ZNF431: variants seen among roughly 807,000 people sequenced by gnomAD.
The protein encoded by ZNF431 is zinc finger protein 431.
A neutral mutation model predicts 57.0 loss-of-function variants in ZNF431; 34 were observed. The observed-to-expected ratio is 0.60, with a 90% CI of 0.45 to 0.79. ZNF431 has a LOEUF of 0.79. Ranked by LOEUF, ZNF431 falls within the 30% of genes least tolerant of loss-of-function variation. The pLI is 0.00. For missense variants in ZNF431, 607 were observed against 667.1 expected (o/e 0.91, Z 0.99); for synonymous variants, 207 against 220.3 (o/e 0.94, Z 0.54).
At chr19:21,173,275 G>A (rs1451840695) in intron 4 of ZNF431, among the ~76,000 whole-genome samples, 2 of 152,040 alleles carry the variant, frequency 1.3e-5, no homozygotes, top group African/African-American at 4.8e-5. Flanking sequence ...TCTAGGTCCT[G>A]TGTTGGATAG....
intron 4 of ZNF431, among the ~76,000 whole-genome samples, chr19:21,176,382 A>G (rs745675668): frequency 6.6e-6 from 1 of 151,862 alleles, no homozygotes; most frequent in Non-Finnish European, 1.5e-5. Flanking sequence ...CTGGCATTAC[A>G]GGCATGTGCC....
chr19:21,150,991 C>T (rs1002531451), intron 2 of ZNF431: 1 of 152,158 alleles, frequency 6.6e-6, no homozygotes, highest in Admixed American at 6.5e-5. Context: ...CCCAAGGTGT[C>T]CCAGGCTGTT....
Position 21,194,715 on chromosome 19 carries a change from G to C in ZNF431, c.*10681G>C, listed in dbSNP as rs1971573800. On this transcript the variant is annotated 3_prime_UTR_variant, in exon 5 of 5. Transcript: ENST00000311048. ...AACTCCCGGCGTCCCAAAGTGCTGG[G>C]ATTACAGGTGCGACCCACCATGCCT... 1 of 152,124 alleles carries C rather than the reference G, an allele frequency of 6.6e-6. No homozygotes were observed. Among genetic ancestry groups the C allele is most frequent in the Non-Finnish European group, 1.5e-5 (1 of 68,038 alleles). 9.4% of individuals were successfully genotyped at this position (152,124 alleles called of 1,614,324 possible). A position where few individuals can be genotyped will look rare whatever the true frequency, so the allele number is the denominator to read the frequency against.
At chr19:21,181,511 CTCT>C (rs891723828) in intron 4 of ZNF431, among the ~76,000 whole-genome samples, 2 of 151,968 alleles carry the variant, frequency 1.3e-5, no homozygotes, top group South Asian at 4.1e-4. Context: ...CAGCTCCATT[CTCT>C]TCTTGTCTGT....
chr19:21,185,327 A>G lies in ZNF431; in HGVS notation c.*1293A>G, dbSNP rs1192529284. The G allele has an allele frequency of 6.6e-6, 1 of 152,134 alleles. No homozygotes were observed. The highest frequency in any genetic ancestry group is 1.5e-5 in the Non-Finnish European group (1 of 68,022). The allele number at this position is 152,134 out of a possible 1,614,324, so 9.4% of individuals were successfully genotyped here. Reference sequence around the variant, plus strand: ...CTTTATTTCTTGAAAAATATTACAGATTTTTTGAAAATTGAATAATGTCAT... The same window carrying G: ...CTTTATTTCTTGAAAAATATTACAGGTTTTTTGAAAATTGAATAATGTCAT... On this transcript the variant is annotated 3_prime_UTR_variant, in exon 5 of 5. Transcript: ENST00000311048.
chr19:21,157,819 C>T (rs6511204), intron 2 of ZNF431, among the ~76,000 whole-genome samples: 112,214 of 151,306 alleles, frequency 0.74, 42,610 homozygotes, highest in Middle Eastern at 0.86. Context: ...TGAGCCACCG[C>T]ACCCGGCCAT....
intron 1 of ZNF431, among the ~76,000 whole-genome samples, chr19:21,142,885 G>T (rs151107191): frequency 1.3e-5 from 2 of 152,268 alleles, no homozygotes; most frequent in African/African-American, 4.8e-5. Context: ...ACTGAAAAAT[G>T]TACGTCAGTT....
Position 21,188,575 on chromosome 19 carries a change from CT to C in ZNF431, c.*4545del, listed in dbSNP as rs1027160696. 3.3e-5 allele frequency: 5 copies of C among 151,968 alleles called. No individual in the cohort carries two copies. Among genetic ancestry groups the C allele is most frequent in the African/African-American group, 9.7e-5 (4 of 41,364 alleles). 9.4% of individuals were successfully genotyped at this position (151,968 alleles called of 1,614,324 possible). ...GATTTAAAATTTTGAAAAATAATGT[CT>C]TTTCTATATTGATTTTACAATTTGG... is the stretch of plus-strand genomic sequence containing the variant. On this transcript the variant is annotated 3_prime_UTR_variant, in exon 5 of 5. Transcript: ENST00000311048.
chr19:21,164,236 T>G (rs1487425426), intron 2 of ZNF431, among the ~76,000 whole-genome samples: 1 of 152,040 alleles, frequency 6.6e-6, no homozygotes, highest in Non-Finnish European at 1.5e-5. Flanking sequence ...CAAAATACAT[T>G]CATGAGAGTG....
chr19:21,161,920 T>C (rs996826120), intron 2 of ZNF431, among the ~76,000 whole-genome samples: 3 of 152,016 alleles, frequency 2.0e-5, no homozygotes, highest in African/African-American at 7.2e-5. Flanking sequence ...TCCCAAAGTG[T>C]TGGGATTACA....
chr19:21,176,794 T>C (rs1410994460), intron 4 of ZNF431, among the ~76,000 whole-genome samples: 1 of 151,942 alleles, frequency 6.6e-6, no homozygotes, highest in East Asian at 1.9e-4. Context: ...ACTTCCCGGG[T>C]TCAAGCAATT....
Position 21,191,518 on chromosome 19 carries a change from G to C in ZNF431, c.*7484G>C, listed in dbSNP as rs960406525. On this transcript the variant is annotated 3_prime_UTR_variant, in exon 5 of 5. Transcript: ENST00000311048. ...GCTTTTGCTCTATATTTTGGCAGTAGTAGTTTCAGAGTGTCAGGCCTTACA... is the reference window on the plus strand; with the variant it reads ...GCTTTTGCTCTATATTTTGGCAGTACTAGTTTCAGAGTGTCAGGCCTTACA... 5 of 151,956 alleles carry C rather than the reference G, an allele frequency of 3.3e-5. No homozygotes were observed. Among genetic ancestry groups the C allele is most frequent in the African/African-American group, 1.2e-4 (5 of 41,392 alleles). 9.4% of individuals were successfully genotyped at this position (151,956 alleles called of 1,614,324 possible).
rs1304618960 is a variant in ZNF431 at position 21,186,846 on chromosome 19, C to T, written c.*2812C>T. The T allele has an allele frequency of 6.6e-6, 1 of 152,172 alleles. No homozygotes were observed. The highest frequency in any genetic ancestry group is 1.5e-5 in the Non-Finnish European group (1 of 68,026). 9.4% of individuals were successfully genotyped at this position (152,172 alleles called of 1,614,324 possible). A position where few individuals can be genotyped will look rare whatever the true frequency, so the allele number is the denominator to read the frequency against. On this transcript the variant is annotated 3_prime_UTR_variant, in exon 5 of 5. Transcript: ENST00000311048. ...AGTTACATTTTATTTAGTTAGAGCA[C>T]TCCATTTTGTTCTTTTAAGAGGAGA...
In ZNF431 at chr19:21,182,476, G is replaced by T. The variant is rs573219542; in HGVS notation, c.320-147G>T. The T allele has an allele frequency of 7.6e-6, 7 of 925,354 alleles. No homozygotes were observed. The African/African-American group carries it at 1.2e-4, about 15-fold the overall frequency. The allele number at this position is 925,354 out of a possible 1,614,324, so 57.3% of individuals were successfully genotyped here. On this transcript the variant is annotated intron_variant, in intron 4 of 4. Transcript: ENST00000311048. ...TATTTTGGTCAGTATATTTTTATTAGATTTATATGTCTATGAAGGATTTAG... is the reference window on the plus strand; with the variant it reads ...TATTTTGGTCAGTATATTTTTATTATATTTATATGTCTATGAAGGATTTAG...
At position 21,192,567 on chromosome 19, in the gene ZNF431, A is replaced by G. The variant is rs1400846934; in HGVS notation, c.*8533A>G. On this transcript the variant is annotated 3_prime_UTR_variant, in exon 5 of 5. Transcript: ENST00000311048. ...TATACAGGAATAATTCCTTTTCCTCAATTTGGATGCCTTTGATTTTTTTCT... is the reference window on the plus strand; with the variant it reads ...TATACAGGAATAATTCCTTTTCCTCGATTTGGATGCCTTTGATTTTTTTCT... 1 of 148,574 alleles carries G rather than the reference A, an allele frequency of 6.7e-6. No individual in the cohort carries two copies. Among genetic ancestry groups the G allele is most frequent in the East Asian group, 1.9e-4 (1 of 5,196 alleles). The allele number at this position is 148,574 out of a possible 1,614,324, so 9.2% of individuals were successfully genotyped here.
intron 2 of ZNF431, 143 bp from the exon 3 acceptor site, chr19:21,166,192 T>G: frequency 7.6e-7 from 1 of 1,309,048 alleles, no homozygotes; most frequent in Non-Finnish European, 1.0e-6. Flanking sequence ...ATTTCTGTGT[T>G]AAAAATTATT....
At chr19:21,143,787 G>A in intron 2 of ZNF431, 144 bp downstream of exon 2, 1 of 504,224 alleles carries the variant, frequency 2.0e-6, no homozygotes, top group Non-Finnish European at 3.5e-6. Context: ...TTAGGGGGCA[G>A]AAAGATAATG....
chr19:21,157,698 A>C (rs1489604519), intron 2 of ZNF431, among the ~76,000 whole-genome samples: 1 of 151,166 alleles, frequency 6.6e-6, no homozygotes, highest in Non-Finnish European at 1.5e-5. Context: ...CGCCTGGCTA[A>C]TTTTTTTGGA....
intron 4 of ZNF431, among the ~76,000 whole-genome samples, chr19:21,172,232 C>G (rs1970919020): frequency 6.6e-6 from 1 of 151,094 alleles, no homozygotes; most frequent in South Asian, 2.1e-4. Flanking sequence ...AGCTCCAGAC[C>G]AGCCTGGCCA....
Sources: gnomAD v4.1 joint callset for allele counts (sites outside exome capture counted in the v4.1 genomes callset) on GRCh38, gnomAD v4.1.1 for gene constraint, MANE v1.5 for transcripts, NCBI Gene and HGNC (gene_info 2026-07-23, HGNC 2026-07-21) for gene names.